FAM163B: variants seen among roughly 807,000 people sequenced by gnomAD.
FAM163B encodes the protein family with sequence similarity 163 member B, also known as protein FAM163B.
A neutral mutation model predicts 7.6 loss-of-function variants in FAM163B; 4 were observed. That is an observed-to-expected ratio of 0.52 (90% CI 0.26 to 1.20). The LOEUF (loss-of-function observed/expected upper bound fraction) is 1.20, where lower values mean the gene tolerates loss of function less well. FAM163B is among the 50% of genes most tolerant of loss of function. The pLI is 0.14. For synonymous variants in FAM163B, 120 were observed against 111.6 expected (o/e 1.07, Z -0.47); for missense variants, 250 against 243.0 (o/e 1.03, Z -0.19).
chr9:133,579,957 A>C (rs2131211416), intron 2 of FAM163B, among the ~76,000 whole-genome samples, 174 bp downstream of exon 2: 1 of 152,282 alleles, frequency 6.6e-6, no homozygotes, highest in East Asian at 1.9e-4. Context: ...GGCGCATCTT[A>C]CTGAGCCCCA....
Position 133,579,271 on chromosome 9 carries a change from G to A in FAM163B, c.252C>T (p.Ser84=). The A allele has an allele frequency of 6.2e-7, 1 of 1,613,010 alleles. No homozygotes were observed. The stretch of plus-strand genomic sequence containing the variant: ...TGCGGCAGAGGGCGCGGGCCTGCGG[G>A]GACTTCTGGCTGAAGGAGGTGGAGG... ...PTASTSFSQK[S]PQARALCRSC... is the part of the protein sequence containing the mutation. Residue 84 remains serine (S), a synonymous_variant, in exon 3 of 3, where the codon TCC becomes TCT. Coordinates refer to ENST00000673969, the MANE Select transcript of FAM163B (RefSeq NM_001080515.3).
At chr9:133,581,348 T>A (rs1831352800) in intron 1 of FAM163B, among the ~76,000 whole-genome samples, 1 of 152,208 alleles carries the variant, frequency 6.6e-6, no homozygotes, top group Non-Finnish European at 1.5e-5. Context: ...CCACTTCCCT[T>A]CCTCAATTTC....
chr9:133,590,050 CCCTTCCCTTCCCTT>C (rs1831514985), intron 1 of FAM163B, among the ~76,000 whole-genome samples: 1 of 50,650 alleles, frequency 2.0e-5, no homozygotes. Flanking sequence ...CCCTTCCCTT[CCCTTCCCTTCCCTT>C]CCCCTTCCCT....
At position 133,577,246 on chromosome 9, in the gene FAM163B, T is replaced by C. The variant is rs1831262262; in HGVS notation, c.*1776A>G. On this transcript the variant is annotated 3_prime_UTR_variant, in exon 3 of 3. Transcript: ENST00000673969. ...TGGAGACCAGAAAGGAATTGGGAAATGGAATCATGAGGGCTGGGCCCTCAT... is the reference window on the plus strand; with the variant it reads ...TGGAGACCAGAAAGGAATTGGGAAACGGAATCATGAGGGCTGGGCCCTCAT... Among the ~76,000 whole-genome samples, 1 of 151,914 alleles carries C rather than the reference T, an allele frequency of 6.6e-6. No homozygotes were observed. The highest frequency in any genetic ancestry group is 1.5e-5 in the Non-Finnish European group (1 of 67,958).
chr9:133,582,484 C>T (rs774326455), intron 1 of FAM163B, among the ~76,000 whole-genome samples: 1 of 152,216 alleles, frequency 6.6e-6, no homozygotes, highest in Non-Finnish European at 1.5e-5. Context: ...TGCTACCATC[C>T]ACCTTGGGGC....
Position 133,606,241 on chromosome 9 carries a change from G to A in FAM163B, c.-24+2836C>T, listed in dbSNP as rs1831788093. Among the ~76,000 whole-genome samples the A allele has an allele frequency of 6.6e-6, 1 of 152,192 alleles. No homozygotes were observed. The highest frequency in any genetic ancestry group is 2.4e-5 in the African/African-American group (1 of 41,452). On this transcript the variant is annotated intron_variant, in intron 1 of 2. Transcript: ENST00000673969. This position sits in a 1 kb window ranked among gnomAD's most constrained non-coding sequence, Gnocchi z 4.0. ...CTCCACCAGCCCACTTCACCCCAGGGGCAACAGGATTCCTTCCCCTCTCCA... is the reference window on the plus strand; with the variant it reads ...CTCCACCAGCCCACTTCACCCCAGGAGCAACAGGATTCCTTCCCCTCTCCA...
In FAM163B at chr9:133,593,779, G is replaced by A. The variant is rs149041560; in HGVS notation, c.-23-13533C>T. ...TCCTGGCCCAGGGAGACAGGCTGTC[G>A]GCAGGCTAGATTCGCACCCCGGCCC... On this transcript the variant is annotated intron_variant, in intron 1 of 2. Coordinates refer to ENST00000673969, the MANE Select transcript of FAM163B (RefSeq NM_001080515.3). 1.6e-4 allele frequency among the ~76,000 whole-genome samples: 24 copies of A among 152,370 alleles called. No individual in the cohort carries two copies. The East Asian group carries it at 3.7e-3, about 23-fold the overall frequency.
intron 1 of FAM163B, among the ~76,000 whole-genome samples, chr9:133,582,687 T>G (rs1019253586): frequency 2.8e-4 from 43 of 152,328 alleles, no homozygotes; most frequent in African/African-American, 1.0e-3. Context: ...TGCTGTCCTT[T>G]CGGCCACAGT....
At chr9:133,599,473 T>C (rs1005196438) in intron 1 of FAM163B, among the ~76,000 whole-genome samples, 1 of 152,140 alleles carries the variant, frequency 6.6e-6, no homozygotes, top group African/African-American at 2.4e-5. Context: ...TGGGTATCTG[T>C]GTCTATGTGT....
At chr9:133,591,238 CCT>C (rs955883300) in intron 1 of FAM163B, among the ~76,000 whole-genome samples, 2 of 152,236 alleles carry the variant, frequency 1.3e-5, no homozygotes, top group African/African-American at 2.4e-5. Context: ...GCACTGGGCC[CCT>C]GTCTCCCAGC....
chr9:133,587,363 C>G (rs1831454923), intron 1 of FAM163B, among the ~76,000 whole-genome samples: 1 of 152,178 alleles, frequency 6.6e-6, no homozygotes, highest in Non-Finnish European at 1.5e-5. Context: ...AGCCCTGGAG[C>G]CATAAGCAGG....
intron 1 of FAM163B, among the ~76,000 whole-genome samples, chr9:133,603,866 G>A (rs958849065): frequency 1.3e-5 from 2 of 152,210 alleles, no homozygotes; most frequent in Non-Finnish European, 2.9e-5. Flanking sequence ...AGGGGGCAGA[G>A]TCTCACTCTG....
chr9:133,593,766 G>C (rs1409610778), intron 1 of FAM163B, among the ~76,000 whole-genome samples: 2 of 152,258 alleles, frequency 1.3e-5, no homozygotes, highest in African/African-American at 4.8e-5. Flanking sequence ...CTGGCCCAGG[G>C]AGACAGGCTG....
chr9:133,591,780 A>G (rs995474794), intron 1 of FAM163B, among the ~76,000 whole-genome samples: 1 of 152,078 alleles, frequency 6.6e-6, no homozygotes, highest in Non-Finnish European at 1.5e-5. Flanking sequence ...GGCTCCTCTG[A>G]GTGAGTCCTC....
In FAM163B at chr9:133,592,277, C is replaced by G. The variant is rs567354518; in HGVS notation, c.-23-12031G>C. ...GTGGTGCCGTGCCCCTGTGGGATTT[C>G]TTGTCTACAGGAATCACGACTGCAA... On this transcript the variant is annotated intron_variant, in intron 1 of 2. Transcript: ENST00000673969. 2.0e-5 allele frequency among the ~76,000 whole-genome samples: 3 copies of G among 152,272 alleles called. No homozygotes were observed. In the East Asian group the frequency reaches 5.8e-4, roughly 29 times the overall value.
intron 1 of FAM163B, among the ~76,000 whole-genome samples, chr9:133,608,454 C>A (rs192681658): frequency 1.3e-5 from 2 of 151,960 alleles, no homozygotes; most frequent in Non-Finnish European, 2.9e-5. Flanking sequence ...TAGGCAACCC[C>A]CCACCTGTCA....
rs1831281396 is a variant in FAM163B at position 133,578,153 on chromosome 9, T to G, written c.*869A>C. Reference sequence around the variant, plus strand: ...CAAGTCTCACGGGGAACTCGGGGGTTTTCAACCCCTGGGCCATGGCTCTGC... The same window carrying G: ...CAAGTCTCACGGGGAACTCGGGGGTGTTCAACCCCTGGGCCATGGCTCTGC... On this transcript the variant is annotated 3_prime_UTR_variant, in exon 3 of 3. Coordinates refer to ENST00000673969, the MANE Select transcript of FAM163B (RefSeq NM_001080515.3). Among the ~76,000 whole-genome samples the G allele has an allele frequency of 7.1e-6, 1 of 140,900 alleles. No homozygotes were observed. The highest frequency in any genetic ancestry group is 2.3e-4 in the South Asian group (1 of 4,264). 92.4% of individuals were successfully genotyped at this position (140,900 alleles called of 152,430 possible).
chr9:133,577,927 T>C lies in FAM163B; in HGVS notation c.*1095A>G, dbSNP rs887370936. On this transcript the variant is annotated 3_prime_UTR_variant, in exon 3 of 3. Coordinates refer to ENST00000673969, the MANE Select transcript of FAM163B (RefSeq NM_001080515.3). ...GTCTTCAGATGGCAGCAGTAGGCTCTGGCTGCTTGGGGTCCACCAGGAGCT... is the reference window on the plus strand; with the variant it reads ...GTCTTCAGATGGCAGCAGTAGGCTCCGGCTGCTTGGGGTCCACCAGGAGCT... 1.3e-5 allele frequency among the ~76,000 whole-genome samples: 2 copies of C among 151,430 alleles called. No homozygotes were observed. Among genetic ancestry groups the C allele is most frequent in the African/African-American group, 4.8e-5 (2 of 41,382 alleles).
chr9:133,607,222 A>G (rs1435672953), intron 1 of FAM163B, among the ~76,000 whole-genome samples: 2 of 152,142 alleles, frequency 1.3e-5, no homozygotes, highest in African/African-American at 4.8e-5. Flanking sequence ...AATTTTGTAC[A>G]TGGGAGACTG....
Sources: allele counts gnomAD v4.1 joint callset (sites outside exome capture counted in the v4.1 genomes callset), GRCh38; gene constraint gnomAD v4.1.1; non-coding constraint Gnocchi (gnomAD v3.1); transcripts MANE v1.5; gene names NCBI Gene and HGNC (gene_info 2026-07-23, HGNC 2026-07-21).